The following LRRC4C variants were observed in gnomAD, a reference collection of about 807,000 sequenced individuals.
The protein encoded by LRRC4C is leucine-rich repeat-containing protein 4C.
Under a neutral mutation model 33.6 loss-of-function variants are expected in LRRC4C, and 5 were observed. The observed-to-expected ratio is 0.15, with a 90% CI of 0.08 to 0.31. LRRC4C has a LOEUF of 0.31. Among genes scored for constraint, LRRC4C ranks in the 10% least tolerant of loss-of-function variants. The probability of loss-of-function intolerance (pLI) is 1.00; values close to 1 mark genes in which losing one functional copy is unlikely to be tolerated. For synonymous variants in LRRC4C, 329 were observed against 302.0 expected, an observed-to-expected ratio of 1.09 and a Z score of -0.93; for missense variants, 560 against 796.7, an observed-to-expected ratio of 0.70 and a Z score of 3.58.
intron 1 of LRRC4C, among the ~76,000 whole-genome samples, chr11:41,209,251 A>G (rs1262441763): frequency 2.7e-5 from 4 of 149,800 alleles, no homozygotes; most frequent in African/African-American, 9.7e-5. Context: ...TAAATATTAA[A>G]TATATATTAA....
chr11:40,321,194 C>T (rs751307342), intron 3 of LRRC4C, among the ~76,000 whole-genome samples: 227 of 152,132 alleles, frequency 1.5e-3, no homozygotes, highest in Non-Finnish European at 2.5e-3. Context: ...TGATTTTTTT[C>T]CCCTCACATA....
At chr11:40,290,676 C>T (rs1451524028) in intron 4 of LRRC4C, among the ~76,000 whole-genome samples, 1 of 152,104 alleles carries the variant, frequency 6.6e-6, no homozygotes, top group African/African-American at 2.4e-5. Context: ...TGCTGCCTTT[C>T]ATCTCCTTTG....
At chr11:41,409,280 C>T (rs10501264) in intron 1 of LRRC4C, among the ~76,000 whole-genome samples, 38,026 of 152,056 alleles carry the variant, frequency 0.25, 5,828 homozygotes, top group Admixed American at 0.37. Context: ...GGCTTACACT[C>T]GTCCATAACT....
intron 3 of LRRC4C, among the ~76,000 whole-genome samples, chr11:40,420,790 G>A (rs2137738743): frequency 6.6e-6 from 1 of 152,144 alleles, no homozygotes; most frequent in African/African-American, 2.4e-5. Context: ...TTACTTTTTT[G>A]TTCAAATGTT....
chr11:41,251,324 C>T (rs576782230), intron 1 of LRRC4C, among the ~76,000 whole-genome samples: 1 of 152,206 alleles, frequency 6.6e-6, no homozygotes, highest in African/African-American at 2.4e-5. Context: ...ACATCTAATT[C>T]TTCGCTGTAG....
At chr11:40,375,412 C>T (rs967175061) in intron 3 of LRRC4C, among the ~76,000 whole-genome samples, 1 of 152,114 alleles carries the variant, frequency 6.6e-6, no homozygotes, top group Non-Finnish European at 1.5e-5. Flanking sequence ...AACACGCCAT[C>T]CCTGATACTG....
intron 1 of LRRC4C, among the ~76,000 whole-genome samples, chr11:41,189,480 A>G (rs1464595911): frequency 6.6e-6 from 1 of 152,190 alleles, no homozygotes; most frequent in South Asian, 2.1e-4. Context: ...TGTCTGCCAC[A>G]GTGATAAGGA....
intron 5 of LRRC4C, among the ~76,000 whole-genome samples, chr11:40,201,809 G>A (rs75202843): frequency 0.017 from 2,569 of 152,216 alleles, 72 homozygotes; most frequent in African/African-American, 0.059. Context: ...AACTTAGGCT[G>A]GAATACCCAA....
rs368014568 is a variant in LRRC4C, at chr11:40,116,580, G to T, written c.-42-246C>A. Among the ~76,000 whole-genome samples the T allele has an allele frequency of 6.0e-4, 92 of 152,178 alleles. 3 individuals are homozygous for T. The South Asian group carries it at 0.018, about 29-fold the overall frequency. On this transcript the variant is annotated intron_variant, in intron 6 of 6. Coordinates refer to ENST00000528697, the MANE Select transcript of LRRC4C (RefSeq NM_001258419.2). ...AGAGTAAGGGGTCAATGAGGTAGAGGACACTAATGTATTGTTTACCAACCA... is the reference window on the plus strand; with the variant it reads ...AGAGTAAGGGGTCAATGAGGTAGAGTACACTAATGTATTGTTTACCAACCA...
intron 5 of LRRC4C, among the ~76,000 whole-genome samples, chr11:40,182,736 G>C (rs1158971690): frequency 6.6e-6 from 1 of 152,134 alleles, no homozygotes; most frequent in African/African-American, 2.4e-5. Flanking sequence ...AATGCATGGA[G>C]CTCTAGGTTG....
intron 1 of LRRC4C, among the ~76,000 whole-genome samples, chr11:41,404,564 C>CACACACACACACACACACA (rs375465500): frequency 1.1e-5 from 1 of 94,088 alleles, no homozygotes; most frequent in Admixed American, 9.4e-5. Flanking sequence ...ACACACACAC[C>CACACACACACACACACACA]CCCCGAGGTT....
At chr11:40,824,646 C>G (rs1381155550) in intron 2 of LRRC4C, among the ~76,000 whole-genome samples, 2 of 151,936 alleles carry the variant, frequency 1.3e-5, no homozygotes, top group East Asian at 3.9e-4. Context: ...TAATAGTCTT[C>G]TTAATCGAAG....
intron 1 of LRRC4C, among the ~76,000 whole-genome samples, chr11:41,340,360 G>A (rs1951590073): frequency 6.6e-6 from 1 of 152,042 alleles, no homozygotes; most frequent in African/African-American, 2.4e-5. Context: ...GTAGCATTTT[G>A]CAAAACTTGG....
chr11:40,784,933 G>A (rs1428227703), intron 2 of LRRC4C, among the ~76,000 whole-genome samples: 1 of 152,018 alleles, frequency 6.6e-6, no homozygotes, highest in Admixed American at 6.6e-5. Context: ...AAGGGAGGAA[G>A]AAAATGTGAC....
At chr11:41,356,595 C>T (rs1450434355) in intron 1 of LRRC4C, among the ~76,000 whole-genome samples, 1 of 152,096 alleles carries the variant, frequency 6.6e-6, no homozygotes, top group African/African-American at 2.4e-5. Context: ...CCATTTTTGG[C>T]ATGACTTTAA....
intron 2 of LRRC4C, among the ~76,000 whole-genome samples, chr11:40,725,502 C>T (rs1209252440): frequency 3.4e-5 from 5 of 149,116 alleles, no homozygotes; most frequent in East Asian, 2.0e-4. Context: ...GACAAAAGAG[C>T]GAGACTCTGT....
intron 2 of LRRC4C, among the ~76,000 whole-genome samples, chr11:40,736,348 C>CT (rs1305885862): frequency 2.0e-5 from 3 of 151,922 alleles, no homozygotes; most frequent in Admixed American, 2.0e-4. Flanking sequence ...TGAGCTCATC[C>CT]TTTTTTATGG....
chr11:40,981,339 G>A (rs1453716381), intron 1 of LRRC4C, among the ~76,000 whole-genome samples: 5 of 152,136 alleles, frequency 3.3e-5, no homozygotes, highest in South Asian at 4.2e-4. Context: ...GCTTGAGCCC[G>A]GGAGGCGGAG....
chr11:40,877,440 C>T (rs1209241772), intron 2 of LRRC4C, among the ~76,000 whole-genome samples: 1 of 152,148 alleles, frequency 6.6e-6, no homozygotes, highest in Non-Finnish European at 1.5e-5. Context: ...TCAACATCAG[C>T]AGACTCATCA....
Sources: gnomAD v4.1 joint callset for allele counts (sites outside exome capture counted in the v4.1 genomes callset) on GRCh38, gnomAD v4.1.1 for gene constraint, MANE v1.5 for transcripts, NCBI Gene and HGNC (gene_info 2026-07-23, HGNC 2026-07-21) for gene names.